The following MROH9 variants were observed in gnomAD, a reference collection of about 807,000 sequenced individuals.
MROH9 encodes the protein maestro heat like repeat family member 9, also known as maestro heat-like repeat-containing protein family member 9.
MROH9 carries 92 observed loss-of-function variants against 98.2 expected under a neutral mutation model. That is an observed-to-expected ratio of 0.94 (90% CI 0.79 to 1.11). The LOEUF (loss-of-function observed/expected upper bound fraction) is 1.11, where lower values mean the gene tolerates loss of function less well. Among genes scored for constraint, MROH9 ranks in the 50% most tolerant of loss-of-function variants. The pLI is 0.00. For synonymous variants in MROH9, 397 were observed against 368.9 expected, an observed-to-expected ratio of 1.08 and a Z score of -0.87; for missense variants, 1,057 against 1,014.8, an observed-to-expected ratio of 1.04 and a Z score of -0.57.
intron 17 of MROH9, among the ~76,000 whole-genome samples, chr1:171,017,871 G>A (rs1324501881): frequency 1.3e-5 from 2 of 151,934 alleles, no homozygotes; most frequent in African/African-American, 4.8e-5. Flanking sequence ...TCCAGCCAGG[G>A]GCTCAGGGAC....
intron 3 of MROH9, among the ~76,000 whole-genome samples, chr1:170,950,585 G>A (rs1282883849): frequency 6.6e-6 from 1 of 152,110 alleles, no homozygotes; most frequent in Non-Finnish European, 1.5e-5. Flanking sequence ...GTAGATTCTG[G>A]GGATGGAAAT....
Position 170,945,472 on chromosome 1 carries a change from T to C in MROH9, c.-37-48T>C, listed in dbSNP as rs1649293244. The C allele has an allele frequency of 8.7e-6, 12 of 1,386,310 alleles. No homozygotes were observed. In the South Asian group the frequency reaches 1.4e-4, roughly 16 times the overall value. The allele number at this position is 1,386,310 out of a possible 1,614,324, so 85.9% of individuals were successfully genotyped here. On this transcript the variant is annotated intron_variant, in intron 1 of 21. Transcript: ENST00000367759. ...CCATATTGATAGAGCAAAACAAAACTGTAGGAAAGTTTCTGGTTTATGTAC... is the reference window on the plus strand; with the variant it reads ...CCATATTGATAGAGCAAAACAAAACCGTAGGAAAGTTTCTGGTTTATGTAC...
chr1:170,984,142 C>G (rs1235174706), intron 9 of MROH9, among the ~76,000 whole-genome samples: 1 of 152,106 alleles, frequency 6.6e-6, no homozygotes, highest in Non-Finnish European at 1.5e-5. Flanking sequence ...GCATTGGGGC[C>G]CAGGTTGGGA....
Position 170,961,941 on chromosome 1 carries a change from G to A in MROH9, c.340G>A (p.Val114Met). 1 of 1,539,606 alleles carries A rather than the reference G, an allele frequency of 6.5e-7. No homozygotes were observed. Among genetic ancestry groups the A allele is most frequent in the Non-Finnish European group, 8.8e-7 (1 of 1,138,278 alleles). The change falls in exon 6 of 22, where the codon GTG becomes ATG. Residue 114 changes from valine (V) to methionine (M), a missense_variant. Val to Met is a conservative substitution (Grantham distance 21). Transcript: ENST00000367759. The part of the protein sequence containing the change: ...NIYENILTSL[V>M]SKDLYKLQIL... ...ATATGAGAACATTCTTACGAGCTTGGTGTCTAAAGACCTCTACAAACTACA... is the reference window on the plus strand; with the variant it reads ...ATATGAGAACATTCTTACGAGCTTGATGTCTAAAGACCTCTACAAACTACA...
At chr1:171,009,649 G>C (rs909297256) in intron 15 of MROH9, among the ~76,000 whole-genome samples, 3 of 152,170 alleles carry the variant, frequency 2.0e-5, no homozygotes, top group Non-Finnish European at 1.5e-5. Flanking sequence ...CTATTTCCAA[G>C]TTCTGAGTAA....
rs903834989 is a variant in MROH9, at chr1:171,024,729, T to C, written c.2142T>C (p.Ser714=). ...GTTTGCTCAAAGATGAAAATTACAG[T>C]TTTGAGATGGTGGTGCTCAATATCT... ...TSRLLKDENY[S]FEMVVLNICN... is the part of the protein sequence containing the mutation. Residue 714 remains serine (S), a synonymous_variant, in exon 19 of 22, where the codon AGT becomes AGC. Coordinates refer to ENST00000367759, the MANE Select transcript of MROH9 (RefSeq NM_001163629.2). 26 of 1,550,410 alleles carry C rather than the reference T, an allele frequency of 1.7e-5. No individual in the cohort carries two copies. The highest frequency in any genetic ancestry group is 2.2e-5 in the Non-Finnish European group (25 of 1,146,122).
intron 20 of MROH9, among the ~76,000 whole-genome samples, chr1:171,035,257 A>T (rs147746963): frequency 1.3e-3 from 195 of 151,954 alleles, no homozygotes; most frequent in African/African-American, 3.5e-3. Context: ...AATCCAATAG[A>T]TCAAAAAATA....
chr1:170,958,508 TA>T lies in MROH9; in HGVS notation c.122del (p.Asn41MetfsTer4). ...LLDAYSGLLSNESMILAVNSS... is the reference protein window; with the variant it reads ...LLDAYSGLLSXESMILAVNSS... ...TGGATGCATACTCAGGCCTGTTAAG[TA>T]ATGAATCCATGATCCTGGCTGTGAA... is the stretch of plus-strand genomic sequence containing the variant. On this transcript the variant is annotated frameshift_variant, in exon 4 of 22. Transcript: ENST00000367759. LOFTEE classifies it high-confidence loss of function. 6.3e-7 allele frequency: 1 copy of T among 1,596,116 alleles called. No individual in the cohort carries two copies. The highest frequency in any genetic ancestry group is 8.6e-7 in the Non-Finnish European group (1 of 1,167,018).
At chr1:170,977,224 A>G (rs191126893) in intron 8 of MROH9, among the ~76,000 whole-genome samples, 39 of 152,242 alleles carry the variant, frequency 2.6e-4, no homozygotes, top group Admixed American at 2.3e-3. Context: ...CATATTCTGA[A>G]TTATATTTCT....
chr1:170,992,063 A>G (rs1054912081), intron 11 of MROH9, 101 bp from the exon 12 acceptor site: 2 of 1,292,284 alleles, frequency 1.5e-6, no homozygotes, highest in African/African-American at 1.5e-5. Context: ...TTTGCTATAT[A>G]AAAATGTAAA....
At chr1:171,018,558 G>A (rs1405839043) in intron 17 of MROH9, among the ~76,000 whole-genome samples, 4 of 152,174 alleles carry the variant, frequency 2.6e-5, no homozygotes, top group Non-Finnish European at 2.9e-5. Flanking sequence ...GGATGAGATG[G>A]ACGAATTGAC....
intron 12 of MROH9, among the ~76,000 whole-genome samples, chr1:170,992,949 C>T (rs1282267891): frequency 6.6e-6 from 1 of 152,166 alleles, no homozygotes; most frequent in Non-Finnish European, 1.5e-5. Context: ...AAAATCACCA[C>T]TCCTGGGAGT....
chr1:170,981,755 A>C (rs1330212288), intron 8 of MROH9, among the ~76,000 whole-genome samples: 2 of 151,314 alleles, frequency 1.3e-5, no homozygotes, highest in African/African-American at 4.9e-5. Context: ...AAAAAAAAAA[A>C]CTCTCTATGA....
Position 170,983,495 on chromosome 1 carries a change from A to T in MROH9, c.690A>T (p.Leu230=). ...LQFPSSDVEF[L]PKEFQQDESK... ...TTCCTTCTTCTGATGTAGAATTTCT[A>T]CCCAAGGAGTTTCAACAAGACGAAA... The change falls in exon 9 of 22, where the codon CTA becomes CTT. Residue 230 remains leucine, a synonymous_variant. Coordinates refer to ENST00000367759, the MANE Select transcript of MROH9 (RefSeq NM_001163629.2). 1 of 1,613,174 alleles carries T rather than the reference A, an allele frequency of 6.2e-7. No homozygotes were observed.
chr1:170,949,388 A>G (rs1299854772), intron 3 of MROH9, among the ~76,000 whole-genome samples: 1 of 152,038 alleles, frequency 6.6e-6, no homozygotes, highest in Non-Finnish European at 1.5e-5. Context: ...AAATAACAGG[A>G]GTTGTGGATG....
chr1:171,003,926 T>C (rs2101822050), intron 15 of MROH9, among the ~76,000 whole-genome samples: 1 of 152,126 alleles, frequency 6.6e-6, no homozygotes, highest in South Asian at 2.1e-4. Flanking sequence ...ATGGCTGCTG[T>C]AGGGGATGGG....
chr1:171,057,970 G>T (rs1051251541), intron 20 of MROH9, among the ~76,000 whole-genome samples: 10 of 151,684 alleles, frequency 6.6e-5, no homozygotes, highest in Non-Finnish European at 1.5e-5. Context: ...AATATGGGGG[G>T]AAAAAAACAC....
chr1:170,998,480 C>T, intron 15 of MROH9: 1 of 1,508,376 alleles, frequency 6.6e-7, no homozygotes, highest in African/African-American at 1.4e-5. Context: ...CTTTCCCCAG[C>T]AGTTGGTTTT....
chr1:170,963,815 G>C (rs1650121627), intron 6 of MROH9, among the ~76,000 whole-genome samples: 1 of 152,030 alleles, frequency 6.6e-6, no homozygotes, highest in Admixed American at 6.6e-5. Flanking sequence ...GGGAACAAGA[G>C]ATACTGGGGC....
Sources: allele counts gnomAD v4.1 joint callset (sites outside exome capture counted in the v4.1 genomes callset), GRCh38; gene constraint gnomAD v4.1.1; transcripts MANE v1.5; gene names NCBI Gene and HGNC (gene_info 2026-07-23, HGNC 2026-07-21).